The following THADA variants were observed in gnomAD, a reference collection of about 807,000 sequenced individuals.
The protein encoded by THADA is THADA armadillo repeat containing.
THADA carries 213 observed loss-of-function variants against 219.8 expected under a neutral mutation model. The ratio of observed to expected loss-of-function variants is 0.97; its 90% confidence interval spans 0.87 to 1.09. The LOEUF is 1.09. THADA is among the 50% of genes least tolerant of loss of function. THADA has a pLI of 0.00. For synonymous variants in THADA, 1,018 were observed against 828.9 expected (o/e 1.23, Z -3.92); for missense variants, 2,956 against 2,311.3 (o/e 1.28, Z -5.72).
At chr2:43,311,613 C>A (rs1677521480) in intron 31 of THADA, among the ~76,000 whole-genome samples, 1 of 152,060 alleles carries the variant, frequency 6.6e-6, no homozygotes, top group African/African-American at 2.4e-5. Context: ...TGAAAACAAC[C>A]CAAATGTCCA....
chr2:43,508,897 G>A, intron 22 of THADA, 117 bp from the exon 23 acceptor site: 2 of 980,278 alleles, frequency 2.0e-6, no homozygotes, highest in Non-Finnish European at 2.9e-6. Flanking sequence ...GAGTGGGGGT[G>A]AAACTAAAAC....
intron 29 of THADA, among the ~76,000 whole-genome samples, chr2:43,348,264 T>C (rs1023186787): frequency 6.6e-6 from 1 of 152,216 alleles, no homozygotes; most frequent in Non-Finnish European, 1.5e-5. Context: ...CAGCAGGAGC[T>C]GGCCCCGGAG....
chr2:43,371,814 A>C (rs565963618), intron 29 of THADA, among the ~76,000 whole-genome samples: 1 of 152,084 alleles, frequency 6.6e-6, no homozygotes, highest in Non-Finnish European at 1.5e-5. Flanking sequence ...AATTGCTTAG[A>C]GGGTCCGCTA....
intron 26 of THADA, among the ~76,000 whole-genome samples, chr2:43,475,429 A>C (rs1185762580): frequency 2.0e-5 from 3 of 151,690 alleles, no homozygotes; most frequent in African/African-American, 7.3e-5. Context: ...TCTTAAAAAA[A>C]AAAAAAAAAA....
chr2:43,474,549 T>C (rs1685284771), intron 26 of THADA, among the ~76,000 whole-genome samples: 1 of 152,190 alleles, frequency 6.6e-6, no homozygotes, highest in Admixed American at 6.5e-5. Context: ...CTTGCAAACG[T>C]CTGTGCTGAA....
At chr2:43,536,107 A>G (rs926704238) in intron 21 of THADA, among the ~76,000 whole-genome samples, 4 of 152,036 alleles carry the variant, frequency 2.6e-5, no homozygotes, top group African/African-American at 9.7e-5. Flanking sequence ...CAGCCTATTC[A>G]TTTTGAGTTG....
At chr2:43,558,228 T>A (rs1457502238) in intron 16 of THADA, among the ~76,000 whole-genome samples, 1 of 152,062 alleles carries the variant, frequency 6.6e-6, no homozygotes, top group Admixed American at 6.6e-5. Context: ...ATGAGAAAAA[T>A]ATGCCGTCAA....
chr2:43,397,115 C>T (rs1419760645), intron 29 of THADA, among the ~76,000 whole-genome samples: 1 of 151,592 alleles, frequency 6.6e-6, no homozygotes, highest in Non-Finnish European at 1.5e-5. Context: ...AGATTCACAC[C>T]CAGGCAGTCT....
intron 22 of THADA, among the ~76,000 whole-genome samples, chr2:43,521,925 G>A (rs1232045022): frequency 1.3e-5 from 2 of 152,204 alleles, no homozygotes; most frequent in Non-Finnish European, 1.5e-5. Context: ...ACTACATGTA[G>A]TAGCACAGAG....
In THADA at chr2:43,337,300, G is replaced by A. The variant is rs376531249; in HGVS notation, c.4343+6822C>T. Among the ~76,000 whole-genome samples the A allele has an allele frequency of 1.0e-3, 154 of 152,258 alleles. 2 individuals are homozygous for A. The South Asian group carries it at 0.029, about 29-fold the overall frequency. On this transcript the variant is annotated intron_variant, in intron 30 of 37. Coordinates refer to ENST00000405975, the MANE Select transcript of THADA (RefSeq NM_022065.5). ...AAAAACTGAAGAACAATCTGTACCC[G>A]TTTGACTTATCTGTTAACTCATGCC...
At chr2:43,276,512 A>T (rs1415806513) in intron 36 of THADA, among the ~76,000 whole-genome samples, 5 of 152,212 alleles carry the variant, frequency 3.3e-5, no homozygotes, top group African/African-American at 9.6e-5. Flanking sequence ...AGGATATGTT[A>T]GGGTGAGGAA....
intron 24 of THADA, among the ~76,000 whole-genome samples, chr2:43,504,073 A>AT (rs1324382050): frequency 6.6e-6 from 1 of 150,988 alleles, no homozygotes; most frequent in African/African-American, 2.4e-5. Flanking sequence ...CAAAATAATA[A>AT]AAAAAAAAAC....
intron 31 of THADA, among the ~76,000 whole-genome samples, chr2:43,304,958 C>T (rs771440806): frequency 6.6e-6 from 1 of 152,162 alleles, no homozygotes; most frequent in Non-Finnish European, 1.5e-5. Context: ...AGGCATGAGC[C>T]ACTGTGCCCG....
At chr2:43,519,885 A>G (rs1294947853) in intron 22 of THADA, among the ~76,000 whole-genome samples, 1 of 152,192 alleles carries the variant, frequency 6.6e-6, no homozygotes, top group Admixed American at 6.5e-5. Flanking sequence ...AGCAGAATAG[A>G]GTTCTGACTA....
At chr2:43,313,403 TA>T (rs1303702250) in intron 31 of THADA, among the ~76,000 whole-genome samples, 1 of 152,256 alleles carries the variant, frequency 6.6e-6, no homozygotes, top group Non-Finnish European at 1.5e-5. Flanking sequence ...ATAAAAGTTA[TA>T]TTCCAGTTAA....
chr2:43,293,798 C>A (rs545288873), intron 31 of THADA, among the ~76,000 whole-genome samples: 97 of 152,306 alleles, frequency 6.4e-4, no homozygotes, highest in African/African-American at 2.1e-3. Context: ...ATGAAACATT[C>A]CTACTTCCTT....
rs528036054 is a variant in THADA at position 43,521,392 on chromosome 2, A to G, written c.3374+6487T>C. Among the ~76,000 whole-genome samples the G allele has an allele frequency of 7.2e-5, 11 of 152,278 alleles. No homozygotes were observed. In the South Asian group the frequency reaches 2.3e-3, roughly 32 times the overall value. On this transcript the variant is annotated intron_variant, in intron 22 of 37. Transcript: ENST00000405975. ...CAACATGGCGAAACCCAGTCTCTAT[A>G]AAAATACAAAAAAATTAGCCTGGCA... is the stretch of plus-strand genomic sequence containing the variant.
At chr2:43,575,141 AATT>A in intron 10 of THADA, 114 bp from the exon 11 acceptor site, 6 of 821,566 alleles carry the variant, frequency 7.3e-6, no homozygotes, top group South Asian at 4.6e-5. Flanking sequence ...CACAAATTTC[AATT>A]ATTAAATTTA....
chr2:43,244,138 C>G (rs1474104131), intron 36 of THADA, among the ~76,000 whole-genome samples: 1 of 151,896 alleles, frequency 6.6e-6, no homozygotes, highest in Non-Finnish European at 1.5e-5. Flanking sequence ...AAATTTTTCC[C>G]CTGATTTTAA....
Sources: gnomAD v4.1 joint callset for allele counts (sites outside exome capture counted in the v4.1 genomes callset) on GRCh38, gnomAD v4.1.1 for gene constraint, MANE v1.5 for transcripts, NCBI Gene and HGNC (gene_info 2026-07-23, HGNC 2026-07-21) for gene names.